GDPD4: variants seen among roughly 807,000 people sequenced by gnomAD.
GDPD4 encodes the protein glycerophosphodiester phosphodiesterase domain containing 4.
GDPD4 carries 60 observed loss-of-function variants against 67.8 expected under a neutral mutation model. The ratio of observed to expected loss-of-function variants is 0.88; its 90% CI spans 0.72 to 1.10. The LOEUF is 1.10. GDPD4 is among the 50% of genes least tolerant of loss of function. GDPD4 has a pLI of 0.00. For synonymous variants in GDPD4, 212 were observed against 210.9 expected (o/e 1.00, Z -0.04); for missense variants, 623 against 613.9 (o/e 1.01, Z -0.16).
chr11:77,279,988 T>A (rs774362094), intron 3 of GDPD4, among the ~76,000 whole-genome samples: 1 of 152,148 alleles, frequency 6.6e-6, no homozygotes, highest in Non-Finnish European at 1.5e-5. Flanking sequence ...GTACAAAACC[T>A]GGAGAAATTA....
chr11:77,259,213 C>T (rs1171156668), intron 10 of GDPD4, among the ~76,000 whole-genome samples: 1 of 152,116 alleles, frequency 6.6e-6, no homozygotes, highest in Non-Finnish European at 1.5e-5. Flanking sequence ...CTCCTGGCCT[C>T]AAGTGATCCG....
chr11:77,271,449 T>C, intron 5 of GDPD4, 56 bp from the exon 6 acceptor site: 1 of 1,025,992 alleles, frequency 9.7e-7, no homozygotes, highest in Non-Finnish European at 1.5e-6. Flanking sequence ...GGATCAGAAC[T>C]GTCCTCAGGA....
intron 13 of GDPD4, among the ~76,000 whole-genome samples, chr11:77,234,798 C>T (rs147977968): frequency 9.9e-4 from 151 of 152,278 alleles, no homozygotes; most frequent in Non-Finnish European, 1.6e-3. Context: ...AATAGTGCTG[C>T]AATAAACATA....
At chr11:77,259,302 A>G (rs940226806) in intron 10 of GDPD4, among the ~76,000 whole-genome samples, 11 of 152,132 alleles carry the variant, frequency 7.2e-5, no homozygotes, top group Admixed American at 2.0e-4. Context: ...TTCTGGTCCT[A>G]GACTTTCCAC....
intron 16 of GDPD4, among the ~76,000 whole-genome samples, chr11:77,223,208 C>G (rs1253953652): frequency 6.6e-6 from 1 of 152,164 alleles, no homozygotes; most frequent in Non-Finnish European, 1.5e-5. Context: ...CCTTCTGAAG[C>G]CTACTTCTGT....
intron 13 of GDPD4, among the ~76,000 whole-genome samples, chr11:77,238,622 C>T (rs1958607923): frequency 6.6e-6 from 1 of 151,348 alleles, no homozygotes; most frequent in Admixed American, 6.6e-5. Context: ...GTGAATTTCA[C>T]CTCAATACAA....
At chr11:77,271,524 T>G (rs1442950609) in intron 5 of GDPD4, 131 bp from the exon 6 acceptor site, 2 of 626,638 alleles carry the variant, frequency 3.2e-6, no homozygotes, top group South Asian at 4.0e-5. Flanking sequence ...ACCATAATAA[T>G]GTAGAGAAAG....
intron 11 of GDPD4, among the ~76,000 whole-genome samples, chr11:77,251,050 T>C (rs1310857519): frequency 6.6e-6 from 1 of 152,180 alleles, no homozygotes; most frequent in East Asian, 1.9e-4. Flanking sequence ...ACAGGCAAAG[T>C]GAGTTTTTTG....
Position 77,216,940 on chromosome 11 carries a change from A to G in GDPD4, c.*337T>C. On this transcript the variant is annotated 3_prime_UTR_variant, in exon 17 of 17. Transcript: ENST00000315938. Reference sequence around the variant, plus strand: ...GGATCTCTTAGAGGTCTCTTATTTAAGGATAGGGGACCTCTATGGAGGGCA... The same window carrying G: ...GGATCTCTTAGAGGTCTCTTATTTAGGGATAGGGGACCTCTATGGAGGGCA... 1 of 701,866 alleles carries G rather than the reference A, an allele frequency of 1.4e-6. No individual in the cohort carries two copies. The highest frequency in any genetic ancestry group is 2.6e-6 in the Non-Finnish European group (1 of 384,572). The allele number at this position is 701,866 out of a possible 1,614,324, so 43.5% of individuals were successfully genotyped here.
At chr11:77,297,307 G>A (rs1434751409) in intron 1 of GDPD4, among the ~76,000 whole-genome samples, 2 of 151,890 alleles carry the variant, frequency 1.3e-5, no homozygotes, top group Non-Finnish European at 2.9e-5. Context: ...AGCACTTTGG[G>A]AGGCCGAGGT....
At chr11:77,285,623 G>C (rs1959963301) in intron 2 of GDPD4, among the ~76,000 whole-genome samples, 1 of 152,198 alleles carries the variant, frequency 6.6e-6, no homozygotes, top group Non-Finnish European at 1.5e-5. Context: ...AAGAAAGGGG[G>C]AATCAGAGTT....
intron 1 of GDPD4, among the ~76,000 whole-genome samples, chr11:77,290,555 T>C (rs530625341): frequency 6.6e-6 from 1 of 151,994 alleles, no homozygotes; most frequent in South Asian, 2.1e-4. Context: ...GAAAAAAAAA[T>C]TATTGAAACA....
chr11:77,239,396 T>C (rs777128290), intron 13 of GDPD4, among the ~76,000 whole-genome samples: 3 of 152,196 alleles, frequency 2.0e-5, no homozygotes, highest in Non-Finnish European at 4.4e-5. Flanking sequence ...GAAGTCAGAT[T>C]GTCTCTGCAG....
At chr11:77,224,320 T>A (rs1028878457) in intron 16 of GDPD4, 1 of 152,276 alleles carries the variant, frequency 6.6e-6, no homozygotes, top group Non-Finnish European at 1.5e-5. Context: ...TATTCAGTCA[T>A]CTTGGAACAG....
intron 4 of GDPD4, among the ~76,000 whole-genome samples, 191 bp from the exon 5 acceptor site, chr11:77,276,411 C>G (rs1565538274): frequency 6.6e-6 from 1 of 152,164 alleles, no homozygotes; most frequent in Non-Finnish European, 1.5e-5. Context: ...CCCTATGCCA[C>G]TGACTCTTCA....
chr11:77,279,453 G>C lies in GDPD4; in HGVS notation c.54-54C>G. On this transcript the variant is annotated intron_variant, in intron 3 of 16. Coordinates refer to ENST00000315938, the MANE Select transcript of GDPD4 (RefSeq NM_182833.3). ...AATAATGCAGAAATCAGTAGCATCT[G>C]TGTCAAGGATGGGGACAAAACCAGA... 3.6e-6 allele frequency: 4 copies of C among 1,123,692 alleles called. No individual in the cohort carries two copies. The Admixed American group carries it at 7.0e-5, about 20-fold the overall frequency. 69.6% of individuals were successfully genotyped at this position (1,123,692 alleles called of 1,614,324 possible).
chr11:77,299,615 G>A (rs1275850875), intron 1 of GDPD4, among the ~76,000 whole-genome samples: 3 of 152,202 alleles, frequency 2.0e-5, no homozygotes, highest in Non-Finnish European at 2.9e-5. Flanking sequence ...TGACTGGGAT[G>A]ACTTGGCTTT....
intron 14 of GDPD4, among the ~76,000 whole-genome samples, chr11:77,230,867 A>T (rs1372105275): frequency 6.6e-6 from 1 of 152,190 alleles, no homozygotes; most frequent in Non-Finnish European, 1.5e-5. Context: ...CCAATGGAAC[A>T]TCAGCAAACA....
rs1159611225 is a variant in GDPD4 at position 77,287,423 on chromosome 11, G to A, written c.-253-3C>T. On this transcript the variant is annotated splice_polypyrimidine_tract_variant and splice_region_variant and intron_variant, in intron 1 of 16. Transcript: ENST00000315938. ...CTTAAACATGATTCACCCTTTAGCT[G>A]GAAAGACAAATAAAATAATCAGGAT... 6.6e-6 allele frequency: 1 copy of A among 151,964 alleles called. No individual in the cohort carries two copies. The highest frequency in any genetic ancestry group is 1.9e-4 in the East Asian group (1 of 5,196). The allele number at this position is 151,964 out of a possible 1,614,324, so 9.4% of individuals were successfully genotyped here. A position where few individuals can be genotyped will look rare whatever the true frequency, so the allele number is the denominator to read the frequency against.
Sources: gnomAD v4.1 joint callset for allele counts (sites outside exome capture counted in the v4.1 genomes callset) on GRCh38, gnomAD v4.1.1 for gene constraint, MANE v1.5 for transcripts, NCBI Gene and HGNC (gene_info 2026-07-23, HGNC 2026-07-21) for gene names.